Variants in SPTBN2 observed in about 807,000 individuals in gnomAD.
SPTBN2 encodes the protein spectrin beta, non-erythrocytic 2.
Under a neutral mutation model 284.2 loss-of-function variants are expected in SPTBN2, and 107 were observed. The observed-to-expected ratio is 0.38, with a 90% CI of 0.32 to 0.44. SPTBN2 has a LOEUF of 0.44. Among genes scored for constraint, SPTBN2 ranks in the 20% least tolerant of loss-of-function variants. The probability of loss-of-function intolerance (pLI) is 1.00; values close to 1 mark genes in which losing one functional copy is unlikely to be tolerated. For synonymous variants in SPTBN2, 1,289 were observed against 1,354.8 expected (o/e 0.95, Z 1.07); for missense variants, 2,569 against 3,287.1 (o/e 0.78, Z 5.34).
In SPTBN2 at chr11:66,710,818, G is replaced by T. The variant is rs1396842397; in HGVS notation, c.886-49C>A. ...TGACAGTCCCAGCCACAGGGTCCCT[G>T]GCCCAGTCCTGCAGCTCCACCCTGC... On this transcript the variant is annotated intron_variant, in intron 9 of 37. Transcript: ENST00000533211. This position sits in a 1 kb window ranked among gnomAD's most constrained non-coding sequence, Gnocchi z 4.9. 1.2e-6 allele frequency: 2 copies of T among 1,612,394 alleles called. No individual in the cohort carries two copies. Among genetic ancestry groups the T allele is most frequent in the Admixed American group, 3.3e-5 (2 of 59,974 alleles).
In SPTBN2 at chr11:66,723,071, G is replaced by GGAT. The variant is rs1027959777; in HGVS notation, c.-113-1634_-113-1632dup. On this transcript the variant is annotated intron_variant, in intron 1 of 37. Transcript: ENST00000533211. ...ACCGTCTTAGAGGCTCATCCCAGAC[G>GGAT]GATGAGCAGCCGTGGCTCCTGCCTA... Among the ~76,000 whole-genome samples, 514 of 152,026 alleles carry GGAT rather than the reference G, an allele frequency of 3.4e-3. 4 individuals carry two copies. Among genetic ancestry groups the GGAT allele is most frequent in the African/African-American group, 0.011 (459 of 41,468 alleles).
chr11:66,728,303 GGGCGCAGGC>G (rs986533500), intron 1 of SPTBN2: 2 of 145,604 alleles, frequency 1.4e-5, no homozygotes, highest in South Asian at 2.0e-4. Flanking sequence ...CGCTGTCACG[GGGCGCAGGC>G]GGCGCGGGGG....
Position 66,693,925 on chromosome 11 carries a change from G to C in SPTBN2, c.4504-64C>G, listed in dbSNP as rs1940739314. 9 of 1,507,448 alleles carry C rather than the reference G, an allele frequency of 6.0e-6. No individual in the cohort carries two copies. In the Admixed American group the frequency reaches 1.6e-4, roughly 27 times the overall value. 93.4% of individuals were successfully genotyped at this position (1,507,448 alleles called of 1,614,324 possible). ...CAAGGCAAGCAGCAGGGACTGATTA[G>C]TGGGAGTGGGGACACCTGGGGCTAC... On this transcript the variant is annotated intron_variant, in intron 22 of 37. Coordinates refer to ENST00000533211, the MANE Select transcript of SPTBN2 (RefSeq NM_006946.4). This position sits in a 1 kb window ranked among gnomAD's most constrained non-coding sequence, Gnocchi z 5.7.
intron 1 of SPTBN2, among the ~76,000 whole-genome samples, chr11:66,740,977 C>T (rs1281237606): frequency 1.3e-5 from 2 of 152,138 alleles, no homozygotes; most frequent in African/African-American, 2.4e-5. Context: ...CATCTGGCAG[C>T]ACTCCCTAGG....
At position 66,687,488 on chromosome 11, in the gene SPTBN2, T is replaced by A; in HGVS notation, c.6661A>T (p.Met2221Leu). The change falls in exon 35 of 38, where the codon ATG becomes TTG. Residue 2221 changes from methionine (M) to leucine (L), a missense_variant. Met to Leu is a conservative substitution (Grantham distance 15). Around this residue, in one of 6 missense-constraint regions of SPTBN2, gnomAD observed 1,130 missense variants for 1,317.3 expected, o/e 0.86. Transcript: ENST00000533211. This position sits in a 1 kb window ranked among gnomAD's most constrained non-coding sequence, Gnocchi z 5.2. ...TGCTTGCGGCACAGCATCCCCTCCA[T>A]CTGCTCCTGGGCAGATGGCTCTGGG... The part of the protein sequence containing the change: ...RGPEPSAQEQ[M>L]EGMLCRKQEM... The A allele has an allele frequency of 1.2e-6, 2 of 1,611,164 alleles. No individual in the cohort carries two copies. The highest frequency in any genetic ancestry group is 1.7e-5 in the Admixed American group (1 of 60,022).
chr11:66,715,743 T>C lies in SPTBN2; in HGVS notation c.309+87A>G, dbSNP rs1942112845. On this transcript the variant is annotated intron_variant, in intron 4 of 37. Coordinates refer to ENST00000533211, the MANE Select transcript of SPTBN2 (RefSeq NM_006946.4). This position sits in a 1 kb window ranked among gnomAD's most constrained non-coding sequence, Gnocchi z 5.3. ...AGCCACTGCTTCCCGCCCTGTGCCGTCACTCTCTCTGAGGGCTGTTCTTCC... is the reference window on the plus strand; with the variant it reads ...AGCCACTGCTTCCCGCCCTGTGCCGCCACTCTCTCTGAGGGCTGTTCTTCC... The C allele has an allele frequency of 6.4e-7, 1 of 1,557,162 alleles. No individual in the cohort carries two copies. The highest frequency in any genetic ancestry group is 2.4e-5 in the East Asian group (1 of 42,492).
intron 1 of SPTBN2, among the ~76,000 whole-genome samples, chr11:66,739,216 C>T (rs1383598980): frequency 6.6e-6 from 1 of 152,200 alleles, no homozygotes; most frequent in Non-Finnish European, 1.5e-5. Context: ...GCTGGGATTA[C>T]AGGCGTGAGC....
In SPTBN2 at chr11:66,701,046, A is replaced by T. The variant is rs1430337750; in HGVS notation, c.3053T>A (p.Leu1018Gln). The T allele has an allele frequency of 6.2e-7, 1 of 1,609,662 alleles. No homozygotes were observed. The highest frequency in any genetic ancestry group is 8.5e-7 in the Non-Finnish European group (1 of 1,179,842). Residue 1018 changes from leucine (L) to glutamine (Q), a missense_variant, in exon 17 of 38, where the codon CTG (leucine) becomes CAG (glutamine). Around this residue, in one of 6 missense-constraint regions of SPTBN2, gnomAD observed 1,012 missense variants for 1,248.9 expected, o/e 0.81. Transcript: ENST00000533211. ...LEAIAARVGE[L>Q]TREANALAAG... is the part of the protein sequence containing the mutation. ...AGCCAGGGCATTTGCCTCTCGAGTC[A>T]GTTCGCCCACCCGGGCGGCGATGGC...
intron 3 of SPTBN2, among the ~76,000 whole-genome samples, chr11:66,717,242 G>A (rs1003571232): frequency 1.3e-5 from 2 of 152,106 alleles, no homozygotes; most frequent in East Asian, 1.9e-4. Flanking sequence ...ACTAGGTTCC[G>A]TAGGAAAATA....
Position 66,689,785 on chromosome 11 carries a change from G to A in SPTBN2, c.5949+20C>T. 1.2e-6 allele frequency: 2 copies of A among 1,612,212 alleles called. No individual in the cohort carries two copies. Among genetic ancestry groups the A allele is most frequent in the Non-Finnish European group, 1.7e-6 (2 of 1,180,016 alleles). ...AGCACTGCACAGTGAGAATGGCCCG[G>A]CCACCCAGGCCTCACCCACCTCCTC... On this transcript the variant is annotated intron_variant, in intron 29 of 37. Coordinates refer to ENST00000533211, the MANE Select transcript of SPTBN2 (RefSeq NM_006946.4).
Position 66,689,875 on chromosome 11 carries a change from G to A in SPTBN2, c.5879C>T (p.Ala1960Val), listed in dbSNP as rs369781111. 54 of 1,614,024 alleles carry A rather than the reference G, an allele frequency of 3.3e-5. No homozygotes were observed. The highest frequency in any genetic ancestry group is 5.3e-5 in the African/African-American group (4 of 74,912). Reference protein sequence around the residue: ...QGIKAEIEARADRFSSCIDMG... With the variant: ...QGIKAEIEARVDRFSSCIDMG... Reference sequence around the variant, plus strand: ...GTCGATGCAGGAGGAGAAGCGGTCTGCCCGGGCCTCTATCTCTGCCTTGAT... The same window carrying A: ...GTCGATGCAGGAGGAGAAGCGGTCTACCCGGGCCTCTATCTCTGCCTTGAT... The change falls in exon 29 of 38, where the codon GCA becomes GTA. Residue 1960 changes from alanine to valine, a missense_variant. Physicochemically the swap from Ala to Val is moderately conservative, Grantham distance 64. Around this residue, in one of 6 missense-constraint regions of SPTBN2, gnomAD observed 1,130 missense variants for 1,317.3 expected, o/e 0.86. Transcript: ENST00000533211.
At chr11:66,717,464 A>G (rs1272931748) in intron 3 of SPTBN2, among the ~76,000 whole-genome samples, 4 of 152,152 alleles carry the variant, frequency 2.6e-5, no homozygotes, top group Non-Finnish European at 4.4e-5. Flanking sequence ...CACCTCACCC[A>G]TAAGACACAG....
intron 15 of SPTBN2, among the ~76,000 whole-genome samples, chr11:66,702,381 G>A (rs1322887658): frequency 6.6e-6 from 1 of 152,098 alleles, no homozygotes; most frequent in Non-Finnish European, 1.5e-5. Context: ...TGGCCAGGCT[G>A]GTCTTGAACT....
Position 66,713,757 on chromosome 11 carries a change from A to G in SPTBN2, c.657-11T>C. The G allele has an allele frequency of 1.3e-6, 2 of 1,583,054 alleles. No homozygotes were observed. The highest frequency in any genetic ancestry group is 1.7e-6 in the Non-Finnish European group (2 of 1,152,092). On this transcript the variant is annotated splice_polypyrimidine_tract_variant and intron_variant, in intron 7 of 37. Transcript: ENST00000533211. ...TCCAGCAGGTCTGGCCTGGGTGGGG[A>G]GGCAAGACAGAAGGGATCAGAAACA...
chr11:66,736,830 T>G (rs1298220812), intron 1 of SPTBN2, among the ~76,000 whole-genome samples: 2 of 152,246 alleles, frequency 1.3e-5, no homozygotes, highest in Non-Finnish European at 2.9e-5. Context: ...TTTCTGTATC[T>G]CAGCCTAATT....
intron 1 of SPTBN2, among the ~76,000 whole-genome samples, chr11:66,739,534 G>A (rs1472238756): frequency 6.6e-6 from 1 of 152,244 alleles, no homozygotes; most frequent in Non-Finnish European, 1.5e-5. Flanking sequence ...GCTGCTGGAA[G>A]AATTTTTGTC....
intron 3 of SPTBN2, among the ~76,000 whole-genome samples, chr11:66,717,802 G>A (rs760979651): frequency 1.3e-5 from 2 of 152,068 alleles, no homozygotes; most frequent in East Asian, 3.9e-4. Context: ...GTCACAAGAC[G>A]CCCACAGCAT....
At chr11:66,717,751 A>G (rs982229911) in intron 3 of SPTBN2, among the ~76,000 whole-genome samples, 1 of 152,156 alleles carries the variant, frequency 6.6e-6, no homozygotes, top group Non-Finnish European at 1.5e-5. Context: ...GGCAACTAGG[A>G]GGAAAATGGG....
chr11:66,711,474 T>A (rs1206267728), intron 8 of SPTBN2, among the ~76,000 whole-genome samples: 1 of 152,202 alleles, frequency 6.6e-6, no homozygotes, highest in Non-Finnish European at 1.5e-5. Flanking sequence ...CGATGGGCCC[T>A]GTGATCCCTG....
Sources: allele counts gnomAD v4.1 joint callset (sites outside exome capture counted in the v4.1 genomes callset), GRCh38; gene constraint gnomAD v4.1.1; regional missense constraint gnomAD v4.1.1; non-coding constraint Gnocchi (gnomAD v3.1); transcripts MANE v1.5; gene names NCBI Gene and HGNC (gene_info 2026-07-23, HGNC 2026-07-21).